Variants in RAP1GDS1 observed in about 807,000 individuals in gnomAD.
RAP1GDS1 encodes Rap1 GTPase-GDP dissociation stimulator 1.
RAP1GDS1 carries 35 observed loss-of-function variants against 71.1 expected under a neutral mutation model. That is an observed-to-expected ratio of 0.49 (90% confidence interval 0.38 to 0.65). RAP1GDS1 has a LOEUF of 0.65. Ranked by LOEUF, RAP1GDS1 falls within the 30% of genes least tolerant of loss-of-function variation. The pLI, the probability that RAP1GDS1 is intolerant of heterozygous loss-of-function variation, is 0.00. For missense variants in RAP1GDS1, 663 were observed against 706.1 expected (o/e 0.94, Z 0.69); for synonymous variants, 229 against 243.1 (o/e 0.94, Z 0.54).
chr4:98,399,226 T>C (rs1744998112), intron 6 of RAP1GDS1, among the ~76,000 whole-genome samples: 1 of 152,050 alleles, frequency 6.6e-6, no homozygotes, highest in Admixed American at 6.6e-5. Context: ...TAGGATCATA[T>C]CAAATGAAAA....
chr4:98,350,188 C>G (rs576591961), intron 3 of RAP1GDS1, among the ~76,000 whole-genome samples: 7 of 152,128 alleles, frequency 4.6e-5, no homozygotes, highest in South Asian at 2.1e-4. Context: ...ATAAAAGAAA[C>G]ACAGTAATTC....
intron 2 of RAP1GDS1, among the ~76,000 whole-genome samples, chr4:98,326,869 A>G (rs1278346445): frequency 2.0e-5 from 3 of 152,146 alleles, no homozygotes; most frequent in Non-Finnish European, 4.4e-5. Flanking sequence ...GTTGCTCTGA[A>G]TTGTGTGGTG....
chr4:98,443,661 T>C lies in RAP1GDS1; in HGVS notation c.*1544T>C, dbSNP rs892556498. ...AAATTCTAATGGAGGTAAAGAATCT[T>C]GACTGATTGTTCCCTTTGATGTCCA... On this transcript the variant is annotated 3_prime_UTR_variant, in exon 15 of 15. Transcript: ENST00000408927. 4 of 207,086 alleles carry C rather than the reference T, an allele frequency of 1.9e-5. No homozygotes were observed. Among genetic ancestry groups the C allele is most frequent in the Non-Finnish European group, 3.9e-5 (4 of 101,640 alleles). The allele number at this position is 207,086 out of a possible 1,614,324, so 12.8% of individuals were successfully genotyped here.
Position 98,424,196 on chromosome 4 carries a change from G to A in RAP1GDS1, c.1440+2802G>A, listed in dbSNP as rs141590780. On this transcript the variant is annotated intron_variant, in intron 12 of 14. Transcript: ENST00000408927. ...ACAAAATAAAACACTATAGGAAGAGGTGCAGCTAACACTCCCTAAACTTGC... is the reference window on the plus strand; with the variant it reads ...ACAAAATAAAACACTATAGGAAGAGATGCAGCTAACACTCCCTAAACTTGC... Among the ~76,000 whole-genome samples, 560 of 152,122 alleles carry A rather than the reference G, an allele frequency of 3.7e-3. 1 individual carries two copies. Among genetic ancestry groups the A allele is most frequent in the Middle Eastern group, 0.014 (4 of 294 alleles).
chr4:98,423,689 C>T (rs1004159663), intron 12 of RAP1GDS1, among the ~76,000 whole-genome samples: 11 of 152,018 alleles, frequency 7.2e-5, no homozygotes, highest in African/African-American at 1.2e-4. Flanking sequence ...GGATCACAGG[C>T]GTGCACCACC....
intron 2 of RAP1GDS1, among the ~76,000 whole-genome samples, chr4:98,332,212 A>C (rs1734113971): frequency 1.3e-5 from 2 of 152,134 alleles, no homozygotes; most frequent in Admixed American, 6.5e-5. Flanking sequence ...TAAGGTTATG[A>C]CTCTACACCT....
intron 5 of RAP1GDS1, among the ~76,000 whole-genome samples, chr4:98,381,047 A>G (rs1301296085): frequency 1.3e-5 from 2 of 151,706 alleles, no homozygotes; most frequent in African/African-American, 4.8e-5. Flanking sequence ...GAAGATTATA[A>G]TTAACAGCAT....
intron 1 of RAP1GDS1, among the ~76,000 whole-genome samples, chr4:98,289,012 A>G (rs982596719): frequency 1.3e-5 from 2 of 152,150 alleles, no homozygotes; most frequent in Non-Finnish European, 2.9e-5. Flanking sequence ...ATCAAGAGGC[A>G]TGATTTTTGT....
At chr4:98,416,200 A>G (rs1217173256) in intron 7 of RAP1GDS1, among the ~76,000 whole-genome samples, 2 of 152,172 alleles carry the variant, frequency 1.3e-5, no homozygotes, top group Admixed American at 6.5e-5. Context: ...GCTGCAAGAC[A>G]TCCTGAAAAA....
chr4:98,416,334 G>GC (rs1747983332), intron 7 of RAP1GDS1, among the ~76,000 whole-genome samples: 1 of 51,554 alleles, frequency 1.9e-5, no homozygotes, highest in Non-Finnish European at 3.5e-5. Flanking sequence ...CATTTTCTTA[G>GC]TTTTTTTTTT....
chr4:98,263,103 C>T (rs1722257006), intron 1 of RAP1GDS1, among the ~76,000 whole-genome samples: 2 of 152,252 alleles, frequency 1.3e-5, no homozygotes, highest in African/African-American at 2.4e-5. Context: ...AACATACACA[C>T]GTTTATGTGT....
chr4:98,392,615 C>T (rs1038972719), intron 6 of RAP1GDS1, among the ~76,000 whole-genome samples: 2 of 152,076 alleles, frequency 1.3e-5, no homozygotes, highest in African/African-American at 2.4e-5. Context: ...GCAGGAGGAT[C>T]ACTTGAGCCC....
chr4:98,370,503 C>G (rs1399276835), intron 4 of RAP1GDS1, among the ~76,000 whole-genome samples: 1 of 151,650 alleles, frequency 6.6e-6, no homozygotes, highest in Non-Finnish European at 1.5e-5. Context: ...CCAGTCATTC[C>G]TCCAAAAGAG....
chr4:98,297,527 C>T (rs1209306484), intron 2 of RAP1GDS1, among the ~76,000 whole-genome samples: 2 of 152,108 alleles, frequency 1.3e-5, no homozygotes, highest in Non-Finnish European at 2.9e-5. Flanking sequence ...ATTATATCTA[C>T]TTTGGTAATC....
At chr4:98,276,031 TA>T (rs1724146165) in intron 1 of RAP1GDS1, among the ~76,000 whole-genome samples, 1 of 152,130 alleles carries the variant, frequency 6.6e-6, no homozygotes, top group Non-Finnish European at 1.5e-5. Context: ...GGGTGGCATA[TA>T]AACAACAGAT....
chr4:98,261,631 G>T, intron 1 of RAP1GDS1, 62 bp downstream of exon 1: 2 of 1,553,140 alleles, frequency 1.3e-6, no homozygotes, highest in East Asian at 2.3e-5. Flanking sequence ...CGTGCTGCAG[G>T]GTGGGAAGCA....
chr4:98,343,077 A>G, intron 2 of RAP1GDS1, 62 bp from the exon 3 acceptor site: 1 of 1,474,748 alleles, frequency 6.8e-7, no homozygotes. Context: ...TATTGTAGAT[A>G]ATGGTTGTCA....
At chr4:98,403,735 T>C (rs1745747605) in intron 6 of RAP1GDS1, among the ~76,000 whole-genome samples, 1 of 152,162 alleles carries the variant, frequency 6.6e-6, no homozygotes, top group Non-Finnish European at 1.5e-5. Context: ...CCTAAGGAAC[T>C]AGAATTTATA....
intron 2 of RAP1GDS1, among the ~76,000 whole-genome samples, chr4:98,309,075 A>T (rs1729820196): frequency 6.6e-6 from 1 of 152,116 alleles, no homozygotes; most frequent in East Asian, 1.9e-4. Flanking sequence ...ACTTTAAAAA[A>T]TGTAGTTTTA....
Sources: allele counts gnomAD v4.1 joint callset (sites outside exome capture counted in the v4.1 genomes callset), GRCh38; gene constraint gnomAD v4.1.1; transcripts MANE v1.5; gene names NCBI Gene and HGNC (gene_info 2026-07-23, HGNC 2026-07-21).